The following IL12B variants were observed in gnomAD, a reference collection of about 807,000 sequenced individuals.
The protein encoded by IL12B is interleukin 12B.
In IL12B, 27 loss-of-function variants were observed where a neutral mutation model predicts 39.2. The observed-to-expected ratio is 0.69, with a 90% CI of 0.51 to 0.95. IL12B has a LOEUF of 0.95. Ranked by LOEUF, IL12B falls within the 40% of genes least tolerant of loss-of-function variation. The probability of loss-of-function intolerance (pLI) is 0.00; values close to 1 mark genes in which losing one functional copy is unlikely to be tolerated. For missense variants in IL12B, 351 were observed against 397.6 expected (o/e 0.88, Z 1.00); for synonymous variants, 142 against 152.1 (o/e 0.93, Z 0.49).
chr5:159,320,347 T>A lies in IL12B; in HGVS notation c.656A>T (p.Lys219Met). ...GAAGCTGCTGGTGTAGTTTTCATAC[T>A]TGAGCTTGTGAACGGCATCCACCAT... is the stretch of plus-strand genomic sequence containing the variant. ...EVMVDAVHKL[K>M]YENYTSSFFI... The change falls in exon 5 of 8, where the codon AAG becomes ATG. Residue 219 changes from lysine (K) to methionine (M), a missense_variant. Coordinates refer to ENST00000231228, the MANE Select transcript of IL12B (RefSeq NM_002187.3). 6.2e-7 allele frequency: 1 copy of A among 1,614,094 alleles called. No individual in the cohort carries two copies. The highest frequency in any genetic ancestry group is 8.5e-7 in the Non-Finnish European group (1 of 1,180,002).
chr5:159,320,597 G>T, intron 4 of IL12B, 77 bp from the exon 5 acceptor site: 1 of 1,224,970 alleles, frequency 8.2e-7, no homozygotes, highest in African/African-American at 1.5e-5. Context: ...AGTAAGGCAG[G>T]TAAGGCCTCA....
At chr5:159,322,563 G>A (rs1754111111) in intron 3 of IL12B, 52 bp from the exon 4 acceptor site, 1 of 1,192,804 alleles carries the variant, frequency 8.4e-7, no homozygotes, top group South Asian at 1.2e-5. Context: ...TTGCAGAAAG[G>A]TTTTGATTGT....
At position 159,320,506 on chromosome 5, in the gene IL12B, T is replaced by C; in HGVS notation, c.497A>G (p.Gln166Arg). ...TGTAGCAGCTCCGCACGTCACCCCT[T>C]GGGGGTCAGAAGAGCTGAAGTCAAA... ...VKSSRGSSDP[Q>R]GVTCGAATLS... is the part of the protein sequence containing the mutation. The change falls in exon 5 of 8, where the codon CAA becomes CGA. Residue 166 changes from glutamine to arginine, a missense_variant. By Grantham distance (43) the Gln-to-Arg change is conservative (BLOSUM62 1). Coordinates refer to ENST00000231228, the MANE Select transcript of IL12B (RefSeq NM_002187.3). The C allele has an allele frequency of 6.2e-7, 1 of 1,613,828 alleles. No individual in the cohort carries two copies. The highest frequency in any genetic ancestry group is 8.5e-7 in the Non-Finnish European group (1 of 1,179,772).
At chr5:159,320,244 T>C (rs1754062970) in intron 5 of IL12B, 62 bp downstream of exon 5, 10 of 1,403,978 alleles carry the variant, frequency 7.1e-6, no homozygotes, top group Non-Finnish European at 1.0e-5. Flanking sequence ...GCATGGGGCA[T>C]TGTGAACACG....
In IL12B at chr5:159,322,468, A is replaced by G; in HGVS notation, c.408T>C (p.Tyr136=). 6.2e-7 allele frequency: 1 copy of G among 1,614,002 alleles called. No individual in the cohort carries two copies. Among genetic ancestry groups the G allele is most frequent in the Non-Finnish European group, 8.5e-7 (1 of 1,179,860 alleles). ...GCCACCAGCAGGTGAAACGTCCAGA[A>G]TAATTCTTGGCCTCGCATCTTAGAA... ...KTFLRCEAKN[Y]SGRFTCWWLT... The change falls in exon 4 of 8, where the codon TAT becomes TAC. Residue 136 remains tyrosine, a synonymous_variant. Transcript: ENST00000231228.
At chr5:159,321,600 A>G (rs1487048066) in intron 4 of IL12B, among the ~76,000 whole-genome samples, 2 of 152,258 alleles carry the variant, frequency 1.3e-5, no homozygotes, top group Admixed American at 1.3e-4. Context: ...ATCCACTTCA[A>G]TGACTGCACA....
chr5:159,321,081 C>G (rs114943991), intron 4 of IL12B, among the ~76,000 whole-genome samples: 2,004 of 151,742 alleles, frequency 0.013, 50 homozygotes, highest in African/African-American at 0.047. Context: ...CCCACTGTAG[C>G]CTCAAACTCC....
chr5:159,316,402 T>C (rs1562110899), intron 7 of IL12B, among the ~76,000 whole-genome samples: 1 of 152,246 alleles, frequency 6.6e-6, no homozygotes, highest in Non-Finnish European at 1.5e-5. Flanking sequence ...TCCTCCATGC[T>C]CTGCCTCCTG....
intron 2 of IL12B, among the ~76,000 whole-genome samples, chr5:159,324,332 C>A (rs1337873870): frequency 6.6e-6 from 1 of 152,146 alleles, no homozygotes; most frequent in African/African-American, 2.4e-5. Flanking sequence ...TATAGTATTT[C>A]AGAGTGTGTC....
intron 6 of IL12B, among the ~76,000 whole-genome samples, chr5:159,317,403 A>C (rs1422273238): frequency 6.6e-6 from 1 of 152,250 alleles, no homozygotes; most frequent in Non-Finnish European, 1.5e-5. Context: ...TTAGTCATAC[A>C]GATCTTAAAT....
At position 159,315,427 on chromosome 5, in the gene IL12B, GC is replaced by G. The variant is rs1753972861; in HGVS notation, c.*673del. On this transcript the variant is annotated 3_prime_UTR_variant, in exon 8 of 8. Coordinates refer to ENST00000231228, the MANE Select transcript of IL12B (RefSeq NM_002187.3). ...CAGGCTGGTCAATCATTTTTTTCTA[GC>G]CCTTTTAAAATTCAGGCATCCAAAG... 1 of 152,034 alleles carries G rather than the reference GC, an allele frequency of 6.6e-6. No homozygotes were observed. Among genetic ancestry groups the G allele is most frequent in the Admixed American group, 6.6e-5 (1 of 15,254 alleles). 9.4% of individuals were successfully genotyped at this position (152,034 alleles called of 1,614,324 possible).
intron 5 of IL12B, among the ~76,000 whole-genome samples, chr5:159,319,214 C>A (rs1169970999): frequency 6.6e-6 from 1 of 152,180 alleles, no homozygotes; most frequent in African/African-American, 2.4e-5. Context: ...GGTTATGGGC[C>A]ATGCATTGAA....
chr5:159,316,661 G>T, intron 7 of IL12B, 24 bp downstream of exon 7: 1 of 1,605,578 alleles, frequency 6.2e-7, no homozygotes, highest in Non-Finnish European at 8.5e-7. Flanking sequence ...GCAGGCCTGG[G>T]CTGGCCTTTG....
chr5:159,326,103 TTAACCCACTAAA>T (rs1457200695), intron 2 of IL12B, among the ~76,000 whole-genome samples: 8 of 152,226 alleles, frequency 5.3e-5, no homozygotes, highest in Admixed American at 3.9e-4. Flanking sequence ...TCTGCATTCA[TTAACCCACTAAA>T]TAACCCACGT....
At chr5:159,323,757 A>G (rs945254559) in intron 2 of IL12B, among the ~76,000 whole-genome samples, 1 of 152,202 alleles carries the variant, frequency 6.6e-6, no homozygotes, top group Non-Finnish European at 1.5e-5. Flanking sequence ...GGTGTCGAGA[A>G]CAACGAACCA....
intron 2 of IL12B, among the ~76,000 whole-genome samples, chr5:159,325,824 A>G (rs2113034416): frequency 6.6e-6 from 1 of 152,342 alleles, no homozygotes; most frequent in South Asian, 2.1e-4. Flanking sequence ...AGTAATCGCC[A>G]ACATTATGAT....
At position 159,323,133 on chromosome 5, in the gene IL12B, C is replaced by T. The variant is rs751689646; in HGVS notation, c.285G>A (p.Glu95=). 1 of 1,614,150 alleles carries T rather than the reference C, an allele frequency of 6.2e-7. No individual in the cohort carries two copies. Among genetic ancestry groups the T allele is most frequent in the Non-Finnish European group, 8.5e-7 (1 of 1,180,016 alleles). Residue 95 remains glutamate, a synonymous_variant, in exon 3 of 8, where the codon GAG becomes GAA. Transcript: ENST00000231228. ...GCAGCAGGAGCGAATGGCTTAGAAC[C>T]TCGCCTCCTTTGTGACAGGTGTACT... The part of the protein sequence containing the change: ...AGQYTCHKGG[E]VLSHSLLLLH...
Position 159,323,296 on chromosome 5 carries a change from G to A in IL12B, c.122C>T (p.Ala41Val), listed in dbSNP as rs1251171357. The change falls in exon 3 of 8, where the codon GCC (alanine) becomes GTC (valine). Residue 41 changes from alanine to valine, a missense_variant. Coordinates refer to ENST00000231228, the MANE Select transcript of IL12B (RefSeq NM_002187.3). The stretch of plus-strand genomic sequence containing the variant: ...GGTGAGGACCACCATTTCTCCAGGG[G>A]CATCCGGATACCAATCCAATTCTAC... ...YVVELDWYPD[A>V]PGEMVVLTCD... is the part of the protein sequence containing the mutation. The A allele has an allele frequency of 9.3e-6, 15 of 1,613,890 alleles. No homozygotes were observed. In the Admixed American group the frequency reaches 2.3e-4, roughly 25 times the overall value.
intron 3 of IL12B, 128 bp downstream of exon 3, chr5:159,322,926 A>G (rs1216555458): frequency 6.4e-6 from 6 of 932,306 alleles, no homozygotes; most frequent in Non-Finnish European, 1.0e-5. Flanking sequence ...ATCAATTAAC[A>G]TCAATAAGAG....
Sources: gnomAD v4.1 joint callset for allele counts (sites outside exome capture counted in the v4.1 genomes callset) on GRCh38, gnomAD v4.1.1 for gene constraint, MANE v1.5 for transcripts, NCBI Gene and HGNC (gene_info 2026-07-23, HGNC 2026-07-21) for gene names.